FBXO38: variants seen among roughly 807,000 people sequenced by gnomAD.
The protein encoded by FBXO38 is F-box only protein 38.
A neutral mutation model predicts 131.9 loss-of-function variants in FBXO38; 53 were observed. That is an observed-to-expected ratio of 0.40 (90% CI 0.32 to 0.51). FBXO38 has a LOEUF of 0.51. Among genes scored for constraint, FBXO38 ranks in the 20% least tolerant of loss-of-function variants. FBXO38 has a pLI of 0.53. For missense variants in FBXO38, 1,076 were observed against 1,475.6 expected (o/e 0.73, Z 4.44); for synonymous variants, 452 against 505.6 (o/e 0.89, Z 1.42).
chr5:148,403,246 A>AT (rs1752262257), intron 5 of FBXO38, among the ~76,000 whole-genome samples: 1 of 152,152 alleles, frequency 6.6e-6, no homozygotes, highest in African/African-American at 2.4e-5. Context: ...CATTGCAAAT[A>AT]TAAGTACAGG....
chr5:148,440,445 C>A lies in FBXO38; in HGVS notation c.3192C>A (p.Phe1064Leu). ...NINQELIKYE[F>L]FPEATRSEED... is the part of the protein sequence containing the mutation. ...CCAGAGAGCTCATTAAATATGAATTCTTCCCTGAAGCCACTCGAAGTGAAG... is the reference window on the plus strand; with the variant it reads ...CCAGAGAGCTCATTAAATATGAATTATTCCCTGAAGCCACTCGAAGTGAAG... Residue 1064 changes from phenylalanine (F) to leucine (L), a missense_variant, in exon 20 of 22, where the codon TTC becomes TTA. Coordinates refer to ENST00000340253, the MANE Select transcript of FBXO38 (RefSeq NM_205836.3). 1 of 1,611,776 alleles carries A rather than the reference C, an allele frequency of 6.2e-7. No homozygotes were observed. Among genetic ancestry groups the A allele is most frequent in the Non-Finnish European group, 8.5e-7 (1 of 1,178,124 alleles).
At chr5:148,414,833 G>A (rs978737075) in intron 10 of FBXO38, among the ~76,000 whole-genome samples, 1 of 152,154 alleles carries the variant, frequency 6.6e-6, no homozygotes, top group Non-Finnish European at 1.5e-5. Context: ...TATGGTGGGA[G>A]TTCATTTTCC....
rs1752605219 is a variant in FBXO38, at chr5:148,409,169, A to G, written c.914A>G (p.Asn305Ser). 1 of 1,613,482 alleles carries G rather than the reference A, an allele frequency of 6.2e-7. No homozygotes were observed. Among genetic ancestry groups the G allele is most frequent in the African/African-American group, 1.3e-5 (1 of 74,900 alleles). Residue 305 changes from asparagine to serine, a missense_variant, in exon 8 of 22, where the codon AAT becomes AGT. Around this residue, in one of 8 missense-constraint regions of FBXO38, gnomAD observed 146 missense variants for 274.3 expected, o/e 0.53. Transcript: ENST00000340253. ...LHTIVLGACK[N>S]ALEVDLGYLI... is the part of the protein sequence containing the mutation. The stretch of plus-strand genomic sequence containing the variant: ...ACTATTGTTCTGGGAGCTTGCAAAA[A>G]TGCTCTTGAAGTAGATCTTGGTTAC...
At chr5:148,406,105 C>CT in intron 6 of FBXO38, 152 bp from the exon 7 acceptor site, 1 of 666,640 alleles carries the variant, frequency 1.5e-6, no homozygotes, top group Non-Finnish European at 2.4e-6. Flanking sequence ...TAGGCTAACA[C>CT]TTTCATTTGT....
At chr5:148,395,042 C>T (rs1758408426) in intron 2 of FBXO38, 138 bp downstream of exon 2, 13 of 886,260 alleles carry the variant, frequency 1.5e-5, no homozygotes, top group Non-Finnish European at 2.1e-5. Flanking sequence ...TTTAGTTCGT[C>T]AGTTGCACTG....
In FBXO38 at chr5:148,392,581, TTGTGTGTG is replaced by T. The variant is rs55667300; in HGVS notation, c.-63-2101_-63-2094del. Among the ~76,000 whole-genome samples the T allele has an allele frequency of 4.0e-3, 572 of 141,944 alleles. 3 individuals are homozygous for T. The highest frequency in any genetic ancestry group is 6.7e-3 in the Non-Finnish European group (439 of 65,398). The allele number at this position is 141,944 out of a possible 152,430, so 93.1% of individuals were successfully genotyped here. On this transcript the variant is annotated intron_variant, in intron 1 of 21. Coordinates refer to ENST00000340253, the MANE Select transcript of FBXO38 (RefSeq NM_205836.3). Reference sequence around the variant, plus strand: ...AAATTTTTTCTTTTTTTGCTTTTCTTTGTGTGTGTGTGTGTGTGTGTGTGTGTGTGTGT... The same window carrying T: ...AAATTTTTTCTTTTTTTGCTTTTCTTTGTGTGTGTGTGTGTGTGTGTGTGT...
At chr5:148,439,196 T>C (rs1754527881) in intron 18 of FBXO38, among the ~76,000 whole-genome samples, 1 of 151,884 alleles carries the variant, frequency 6.6e-6, no homozygotes, top group African/African-American at 2.4e-5. Context: ...TGGGGGAGGG[T>C]ATGCCATGAG....
chr5:148,441,475 AT>A, intron 21 of FBXO38: 1 of 361,332 alleles, frequency 2.8e-6, no homozygotes, highest in Non-Finnish European at 4.9e-6. Flanking sequence ...TTCCTACAAG[AT>A]TTTTATATTA....
intron 21 of FBXO38, 56 bp downstream of exon 21, chr5:148,441,293 TACATACTTA>T (rs1754671195): frequency 2.4e-6 from 3 of 1,229,678 alleles, no homozygotes; most frequent in Non-Finnish European, 3.6e-6. Context: ...CCTACTGTGT[TACATACTTA>T]ATATCTTTTT....
intron 1 of FBXO38, among the ~76,000 whole-genome samples, chr5:148,386,529 C>CA (rs1472726159): frequency 6.6e-6 from 1 of 152,024 alleles, no homozygotes; most frequent in Non-Finnish European, 1.5e-5. Context: ...TTGTGACCCA[C>CA]AAAAAATTGA....
At chr5:148,438,291 AGAT>A in intron 17 of FBXO38, 38 bp from the exon 18 acceptor site, 2 of 1,591,276 alleles carry the variant, frequency 1.3e-6, no homozygotes, top group South Asian at 1.1e-5. Context: ...ATCTCTCCAA[AGAT>A]GATATGTACG....
chr5:148,418,608 T>A (rs1753207845), intron 12 of FBXO38, among the ~76,000 whole-genome samples: 1 of 152,182 alleles, frequency 6.6e-6, no homozygotes, highest in African/African-American at 2.4e-5. Flanking sequence ...GTCTCTTTGC[T>A]TTGTTGTCCT....
intron 7 of FBXO38, among the ~76,000 whole-genome samples, chr5:148,408,757 G>T (rs564116414): frequency 6.6e-6 from 1 of 152,230 alleles, no homozygotes; most frequent in South Asian, 2.1e-4. Context: ...AGTTAAAGTG[G>T]TTCTGGTCTT....
At chr5:148,418,036 A>G (rs899361584) in intron 12 of FBXO38, among the ~76,000 whole-genome samples, 7 of 152,182 alleles carry the variant, frequency 4.6e-5, no homozygotes, top group African/African-American at 1.7e-4. Context: ...AGTTCCTGAC[A>G]AAAGAATCAT....
intron 15 of FBXO38, among the ~76,000 whole-genome samples, chr5:148,428,715 A>G (rs534640074): frequency 6.6e-6 from 1 of 152,200 alleles, no homozygotes; most frequent in Non-Finnish European, 1.5e-5. Flanking sequence ...TCAGTCCCAG[A>G]ACATAGGCAG....
chr5:148,389,079 A>G (rs1758061858), intron 1 of FBXO38, among the ~76,000 whole-genome samples: 1 of 152,204 alleles, frequency 6.6e-6, no homozygotes, highest in African/African-American at 2.4e-5. Context: ...AAGGAGAGGG[A>G]CAGAGATAGG....
chr5:148,436,440 G>A (rs1434103088), intron 17 of FBXO38, among the ~76,000 whole-genome samples: 2 of 152,142 alleles, frequency 1.3e-5, no homozygotes, highest in African/African-American at 4.8e-5. Context: ...AATATTCATT[G>A]GAGCAGCATT....
chr5:148,433,178 A>G (rs1754132201), intron 15 of FBXO38: 1 of 348,592 alleles, frequency 2.9e-6, no homozygotes, highest in African/African-American at 2.1e-5. Flanking sequence ...AATGTTTATT[A>G]GATTATTAGG....
intron 12 of FBXO38, chr5:148,423,789 C>T (rs761322005): frequency 8.9e-6 from 3 of 337,200 alleles, no homozygotes; most frequent in Non-Finnish European, 1.6e-5. Context: ...ATGATCCTTT[C>T]CCATCTGTGA....
Sources: allele counts gnomAD v4.1 joint callset (sites outside exome capture counted in the v4.1 genomes callset), GRCh38; gene constraint gnomAD v4.1.1; regional missense constraint gnomAD v4.1.1; transcripts MANE v1.5; gene names NCBI Gene and HGNC (gene_info 2026-07-23, HGNC 2026-07-21).